The following MDGA2 variants were observed in gnomAD, a reference collection of about 807,000 sequenced individuals.
MDGA2 encodes MAM domain containing glycosylphosphatidylinositol anchor 2.
In MDGA2, 40 loss-of-function variants were observed where a neutral mutation model predicts 117.8. The ratio of observed to expected loss-of-function variants is 0.34; its 90% CI spans 0.26 to 0.44. The LOEUF (loss-of-function observed/expected upper bound fraction) is 0.44. Among genes scored for constraint, MDGA2 ranks in the 20% least tolerant of loss-of-function variants. The probability of loss-of-function intolerance (pLI) is 1.00; values close to 1 mark genes in which losing one functional copy is unlikely to be tolerated. For synonymous variants in MDGA2, 452 were observed against 439.0 expected (o/e 1.03, Z -0.37); for missense variants, 1,123 against 1,250.6 (o/e 0.90, Z 1.54).
chr14:47,139,064 T>C (rs1882591899), intron 4 of MDGA2, among the ~76,000 whole-genome samples: 1 of 152,122 alleles, frequency 6.6e-6, no homozygotes, highest in African/African-American at 2.4e-5. Context: ...AAAATAGATA[T>C]ATCTCATCTT....
intron 6 of MDGA2, among the ~76,000 whole-genome samples, chr14:47,074,151 A>G (rs946764803): frequency 1.9e-4 from 8 of 41,986 alleles, no homozygotes; most frequent in Admixed American, 7.5e-4. Flanking sequence ...AGCAACAACA[A>G]CTAATATAAT....
At chr14:47,545,475 A>G (rs1382000307) in intron 1 of MDGA2, among the ~76,000 whole-genome samples, 2 of 152,188 alleles carry the variant, frequency 1.3e-5, no homozygotes, top group Non-Finnish European at 1.5e-5. Flanking sequence ...TTATTTCTCA[A>G]AAAAGAACAT....
chr14:47,017,572 C>T (rs183340777), intron 8 of MDGA2, among the ~76,000 whole-genome samples: 274 of 151,982 alleles, frequency 1.8e-3, no homozygotes, highest in African/African-American at 6.0e-3. Flanking sequence ...TATAAATATA[C>T]GCAATCTTCA....
intron 8 of MDGA2, among the ~76,000 whole-genome samples, chr14:46,992,883 C>T (rs1283111037): frequency 2.0e-5 from 3 of 152,120 alleles, no homozygotes; most frequent in Non-Finnish European, 4.4e-5. Context: ...AATAGCATAG[C>T]AATATGCCTC....
intron 6 of MDGA2, among the ~76,000 whole-genome samples, chr14:47,087,255 C>T (rs1890934140): frequency 6.6e-6 from 1 of 151,774 alleles, no homozygotes; most frequent in Admixed American, 6.6e-5. Context: ...TGGCTCACAC[C>T]TGTAATCCCA....
chr14:47,150,760 C>G (rs937455377), intron 3 of MDGA2, among the ~76,000 whole-genome samples: 1 of 151,874 alleles, frequency 6.6e-6, no homozygotes, highest in African/African-American at 2.4e-5. Context: ...CTTGTCTCTA[C>G]TAAAAATATA....
intron 1 of MDGA2, among the ~76,000 whole-genome samples, chr14:47,413,045 A>G (rs1032359738): frequency 1.3e-5 from 2 of 152,214 alleles, no homozygotes; most frequent in Non-Finnish European, 2.9e-5. Context: ...AGAAAAGTGT[A>G]TATTGCTAAC....
intron 2 of MDGA2, among the ~76,000 whole-genome samples, chr14:47,226,109 G>A (rs992468394): frequency 2.0e-5 from 3 of 151,636 alleles, no homozygotes; most frequent in Non-Finnish European, 4.4e-5. Flanking sequence ...GGGCAACATA[G>A]GGAGACCCCT....
chr14:47,242,726 C>T (rs886416284), intron 2 of MDGA2, among the ~76,000 whole-genome samples: 3 of 151,814 alleles, frequency 2.0e-5, no homozygotes, highest in African/African-American at 7.2e-5. Context: ...GAGCCTCCCA[C>T]CCACTCCATG....
chr14:47,101,117 AT>A (rs1880291533), intron 5 of MDGA2, among the ~76,000 whole-genome samples: 8 of 123,966 alleles, frequency 6.5e-5, no homozygotes, highest in Admixed American at 1.6e-4. Flanking sequence ...AGATAGATAG[AT>A]AGATAGACAG....
intron 1 of MDGA2, among the ~76,000 whole-genome samples, chr14:47,396,864 A>T (rs4383053): frequency 1.3e-5 from 2 of 151,934 alleles, no homozygotes; most frequent in Non-Finnish European, 2.9e-5. Context: ...TGGAGAAATA[A>T]GAATGCTTTT....
intron 1 of MDGA2, among the ~76,000 whole-genome samples, chr14:47,312,677 G>GTTTTTT (rs202227321): frequency 8.7e-5 from 11 of 126,762 alleles, no homozygotes; most frequent in African/African-American, 2.7e-4. Context: ...CTAGTTTTTA[G>GTTTTTT]TTTTTTTTTT....
At chr14:47,509,159 T>C (rs533767047) in intron 1 of MDGA2, among the ~76,000 whole-genome samples, 1 of 152,158 alleles carries the variant, frequency 6.6e-6, no homozygotes, top group Non-Finnish European at 1.5e-5. Flanking sequence ...AAAACAGACA[T>C]GTCTAGATGA....
chr14:47,142,789 G>T (rs1346245716), intron 4 of MDGA2, among the ~76,000 whole-genome samples: 1 of 152,098 alleles, frequency 6.6e-6, no homozygotes, highest in Admixed American at 6.6e-5. Flanking sequence ...ATCAAGAGAC[G>T]ATCAGATTAG....
At chr14:47,328,981 G>A (rs1279237605) in intron 1 of MDGA2, among the ~76,000 whole-genome samples, 1 of 152,120 alleles carries the variant, frequency 6.6e-6, no homozygotes, top group Non-Finnish European at 1.5e-5. Flanking sequence ...TTTTTAACTA[G>A]TTCTTGCTTT....
chr14:47,205,697 A>T (rs1444184348), intron 3 of MDGA2, among the ~76,000 whole-genome samples: 3 of 152,044 alleles, frequency 2.0e-5, no homozygotes, highest in African/African-American at 7.2e-5. Flanking sequence ...GTAGAAAAGT[A>T]AGTCTCTTTG....
chr14:47,577,335 C>G (rs1238759205), intron 1 of MDGA2, among the ~76,000 whole-genome samples: 1 of 152,110 alleles, frequency 6.6e-6, no homozygotes, highest in East Asian at 1.9e-4. Context: ...ACCATAAAAA[C>G]CCTAGAAGAA....
At chr14:47,667,393 C>G (rs914199505) in intron 1 of MDGA2, among the ~76,000 whole-genome samples, 1 of 152,150 alleles carries the variant, frequency 6.6e-6, no homozygotes, top group African/African-American at 2.4e-5. Flanking sequence ...GTTCCCAAAT[C>G]CCACAATCCA....
At chr14:47,312,391 A>G (rs1410017068) in intron 1 of MDGA2, among the ~76,000 whole-genome samples, 1 of 152,148 alleles carries the variant, frequency 6.6e-6, no homozygotes, top group Non-Finnish European at 1.5e-5. Flanking sequence ...GGCTTGCCAT[A>G]GAGCAAGACC....
Sources: gnomAD v4.1 joint callset for allele counts (sites outside exome capture counted in the v4.1 genomes callset) on GRCh38, gnomAD v4.1.1 for gene constraint, MANE v1.5 for transcripts, NCBI Gene and HGNC (gene_info 2026-07-23, HGNC 2026-07-21) for gene names.